Variants in MYO5B observed in about 807,000 individuals in gnomAD.
The protein encoded by MYO5B is unconventional myosin-Vb.
MYO5B carries 143 observed loss-of-function variants against 229.3 expected under a neutral mutation model. The observed-to-expected ratio is 0.62, with a 90% CI of 0.54 to 0.72. The LOEUF (loss-of-function observed/expected upper bound fraction) is 0.72. Among genes scored for constraint, MYO5B ranks in the 30% least tolerant of loss-of-function variants. The pLI, the probability that MYO5B is intolerant of heterozygous loss-of-function variation, is 0.00. For synonymous variants in MYO5B, 918 were observed against 885.2 expected (o/e 1.04, Z -0.66); for missense variants, 2,321 against 2,331.0 (o/e 1.00, Z 0.09).
intron 33 of MYO5B, among the ~76,000 whole-genome samples, chr18:49,844,914 C>G (rs1306315135): frequency 6.6e-6 from 1 of 152,226 alleles, no homozygotes; most frequent in Non-Finnish European, 1.5e-5. Flanking sequence ...TCCACAGCAA[C>G]TGGCCAGTGC....
intron 16 of MYO5B, among the ~76,000 whole-genome samples, chr18:49,934,032 T>C (rs1221274888): frequency 2.6e-5 from 4 of 152,114 alleles, no homozygotes; most frequent in African/African-American, 7.2e-5. Context: ...TGCACCACCA[T>C]GCCCAGCTAA....
chr18:49,955,678 C>T (rs933961074), intron 12 of MYO5B, among the ~76,000 whole-genome samples: 5 of 152,342 alleles, frequency 3.3e-5, no homozygotes, highest in African/African-American at 1.2e-4. Context: ...CAATGCTAAA[C>T]ACCATAGGAA....
Position 50,160,667 on chromosome 18 carries a change from C to T in MYO5B, c.27+34100G>A, listed in dbSNP as rs77955795. On this transcript the variant is annotated intron_variant, in intron 1 of 39. Coordinates refer to ENST00000285039, the MANE Select transcript of MYO5B (RefSeq NM_001080467.3). ...TGGCTTGGGGGGCCACTCTGGGTCA[C>T]CTGAAACTTGTGTCTTCAGATTGAG... Among the ~76,000 whole-genome samples, 650 of 152,242 alleles carry T rather than the reference C, an allele frequency of 4.3e-3. 4 individuals are homozygous for T. Among genetic ancestry groups the T allele is most frequent in the African/African-American group, 0.014 (579 of 41,544 alleles).
intron 12 of MYO5B, among the ~76,000 whole-genome samples, chr18:49,954,798 A>G (rs1015383172): frequency 3.9e-5 from 6 of 152,194 alleles, no homozygotes; most frequent in Non-Finnish European, 8.8e-5. Context: ...TGACATCAGC[A>G]TCACAAAACA....
intron 3 of MYO5B, among the ~76,000 whole-genome samples, chr18:50,039,560 T>A (rs1329502783): frequency 6.6e-6 from 1 of 152,116 alleles, no homozygotes; most frequent in Non-Finnish European, 1.5e-5. Context: ...CTCAATCTCC[T>A]GACCTCGTGA....
intron 27 of MYO5B, among the ~76,000 whole-genome samples, chr18:49,866,691 A>G (rs778930197): frequency 2.0e-5 from 3 of 152,152 alleles, no homozygotes; most frequent in Non-Finnish European, 4.4e-5. Context: ...CCTCCCACCA[A>G]TCTTCATCAT....
chr18:50,153,515 A>G (rs1010385631), intron 1 of MYO5B, among the ~76,000 whole-genome samples: 2 of 152,164 alleles, frequency 1.3e-5, no homozygotes, highest in African/African-American at 2.4e-5. Context: ...CAGTGGCACG[A>G]TATCGGTTCA....
At chr18:50,193,852 C>G (rs375398968) in intron 1 of MYO5B, among the ~76,000 whole-genome samples, 27 of 152,264 alleles carry the variant, frequency 1.8e-4, no homozygotes, top group African/African-American at 5.8e-4. Flanking sequence ...GCGGCTGCAG[C>G]GCTGCCGCGA....
intron 1 of MYO5B, among the ~76,000 whole-genome samples, chr18:50,098,455 T>A (rs1466225082): frequency 6.6e-6 from 1 of 152,166 alleles, no homozygotes; most frequent in African/African-American, 2.4e-5. Context: ...TATCTACTGG[T>A]TACTAGGCTG....
intron 1 of MYO5B, among the ~76,000 whole-genome samples, chr18:50,057,656 C>T (rs1388556437): frequency 6.6e-6 from 1 of 152,120 alleles, no homozygotes; most frequent in Non-Finnish European, 1.5e-5. Flanking sequence ...ATAAATCTCT[C>T]CTCTCTAAAG....
At chr18:49,949,837 T>G (rs1322844248) in intron 14 of MYO5B, among the ~76,000 whole-genome samples, 2 of 152,178 alleles carry the variant, frequency 1.3e-5, no homozygotes, top group Non-Finnish European at 2.9e-5. Context: ...TTCTTTAATA[T>G]GGAGTTAGAA....
chr18:49,975,989 C>A (rs547813978), intron 9 of MYO5B, among the ~76,000 whole-genome samples: 1 of 151,966 alleles, frequency 6.6e-6, no homozygotes, highest in African/African-American at 2.4e-5. Context: ...CTTGGATAAT[C>A]CTTGCAGCCC....
chr18:49,847,420 G>A, intron 32 of MYO5B, 131 bp from the exon 33 acceptor site: 1 of 1,132,872 alleles, frequency 8.8e-7, no homozygotes, highest in South Asian at 1.3e-5. Flanking sequence ...GTGGAGGATG[G>A]CACCTGGGGC....
intron 12 of MYO5B, among the ~76,000 whole-genome samples, chr18:49,954,696 T>C (rs570344629): frequency 1.1e-4 from 16 of 152,280 alleles, no homozygotes; most frequent in African/African-American, 3.9e-4. Context: ...ACACTGGAAG[T>C]GCTAGGGAGG....
chr18:50,060,081 T>C (rs894543776), intron 1 of MYO5B, among the ~76,000 whole-genome samples: 6 of 152,102 alleles, frequency 3.9e-5, no homozygotes, highest in South Asian at 4.1e-4. Context: ...GATGAAAGTG[T>C]TTTGGTAACC....
intron 1 of MYO5B, among the ~76,000 whole-genome samples, chr18:50,114,489 C>T (rs375085134): frequency 1.3e-5 from 2 of 152,308 alleles, no homozygotes; most frequent in African/African-American, 4.8e-5. Flanking sequence ...AGCCCGGCTT[C>T]CCAGGATAGC....
intron 22 of MYO5B, 90 bp from the exon 23 acceptor site, chr18:49,880,545 G>T: frequency 1.0e-6 from 1 of 952,380 alleles, no homozygotes; most frequent in Non-Finnish European, 1.7e-6. Flanking sequence ...CTGGATACAT[G>T]TAAATGCTCT....
chr18:49,889,635 A>G (rs1169266146), intron 22 of MYO5B, among the ~76,000 whole-genome samples: 2 of 152,234 alleles, frequency 1.3e-5, no homozygotes, highest in African/African-American at 2.4e-5. Flanking sequence ...ACAGAGCAGT[A>G]GGTCACCTGA....
intron 1 of MYO5B, among the ~76,000 whole-genome samples, chr18:50,176,324 T>C (rs182197559): frequency 6.6e-6 from 1 of 152,244 alleles, no homozygotes; most frequent in Non-Finnish European, 1.5e-5. Context: ...CCCTCCTTCC[T>C]TCTCACTCTT....
Sources: allele counts gnomAD v4.1 joint callset (sites outside exome capture counted in the v4.1 genomes callset), GRCh38; gene constraint gnomAD v4.1.1; transcripts MANE v1.5; gene names NCBI Gene and HGNC (gene_info 2026-07-23, HGNC 2026-07-21).